Variants in CFLAR observed in about 807,000 individuals in gnomAD.
The protein encoded by CFLAR is CASP8 and FADD-like apoptosis regulator.
CFLAR carries 14 observed loss-of-function variants against 51.1 expected under a neutral mutation model. That is an observed-to-expected ratio of 0.27 (90% CI 0.18 to 0.43). CFLAR has a LOEUF of 0.43. Among genes scored for constraint, CFLAR ranks in the 20% least tolerant of loss-of-function variants. CFLAR has a pLI of 1.00. For missense variants in CFLAR, 390 were observed against 566.5 expected (o/e 0.69, Z 3.16); for synonymous variants, 210 against 211.6 (o/e 0.99, Z 0.06).
At position 201,124,571 on chromosome 2, in the gene CFLAR, G is replaced by A. The variant is rs1294957192; in HGVS notation, c.-137-5158G>A. 6.6e-6 allele frequency among the ~76,000 whole-genome samples: 1 copy of A among 152,204 alleles called. No homozygotes were observed. The highest frequency in any genetic ancestry group is 1.5e-5 in the Non-Finnish European group (1 of 68,044). ...GCTGGTCTTGAACTCCTTGCCTCAA[G>A]TGATCCGCCCGCCTTGGCCTCCCAA... On this transcript the variant is annotated intron_variant, in intron 1 of 9. Coordinates refer to ENST00000309955, the MANE Select transcript of CFLAR (RefSeq NM_003879.7). This position sits in a 1 kb window ranked among gnomAD's most constrained non-coding sequence, Gnocchi z 4.7.
chr2:201,161,410 ATT>A (rs71954106), intron 9 of CFLAR, among the ~76,000 whole-genome samples: 12,699 of 104,386 alleles, frequency 0.12, 811 homozygotes, highest in African/African-American at 0.2. Context: ...AAATTTATTT[ATT>A]TTTATTTATT....
intron 8 of CFLAR, chr2:201,152,983 T>G (rs1224123970): frequency 2.0e-5 from 3 of 152,282 alleles, no homozygotes; most frequent in Admixed American, 6.5e-5. Flanking sequence ...GCTCCAAGAA[T>G]CAGAATGGCA....
At chr2:201,125,170 A>G (rs2048562247) in intron 1 of CFLAR, among the ~76,000 whole-genome samples, 1 of 152,224 alleles carries the variant, frequency 6.6e-6, no homozygotes, top group East Asian at 1.9e-4. Context: ...CAGCGTCAGT[A>G]TTGCTGATTG....
Position 201,167,330 on chromosome 2 carries a change from T to TC in CFLAR, c.*3359dup, listed in dbSNP as rs1943697566. The TC allele has an allele frequency of 6.5e-6, 1 of 152,688 alleles. No individual in the cohort carries two copies. Among genetic ancestry groups the TC allele is most frequent in the Non-Finnish European group, 1.5e-5 (1 of 68,614 alleles). 9.5% of individuals were successfully genotyped at this position (152,688 alleles called of 1,614,324 possible). A position where few individuals can be genotyped will look rare whatever the true frequency, so the allele number is the denominator to read the frequency against. ...ACCAGCCTGGGCAACATAGCAAGAC[T>TC]CCATCTCTACAAAAAAAGACAAAAT... On this transcript the variant is annotated 3_prime_UTR_variant, in exon 10 of 10. Transcript: ENST00000309955.
At chr2:201,140,187 T>C in intron 4 of CFLAR, 170 bp from the exon 5 acceptor site, 1 of 722,932 alleles carries the variant, frequency 1.4e-6, no homozygotes, top group African/African-American at 1.9e-5. Context: ...TACTCCATTC[T>C]TCATGATGTT....
chr2:201,162,198 G>A (rs1421516478), intron 9 of CFLAR, among the ~76,000 whole-genome samples: 1 of 152,058 alleles, frequency 6.6e-6, no homozygotes, highest in Non-Finnish European at 1.5e-5. Flanking sequence ...CACCTCCCGG[G>A]TTCAGGCAAT....
chr2:201,135,938 A>G (rs750022461), intron 3 of CFLAR, 34 bp from the exon 4 acceptor site: 30 of 1,597,702 alleles, frequency 1.9e-5, no homozygotes, highest in Middle Eastern at 1.7e-4. Flanking sequence ...AGCTAGCTCT[A>G]TTGACATTTG....
intron 6 of CFLAR, 67 bp from the exon 7 acceptor site, chr2:201,148,936 A>T: frequency 9.8e-7 from 1 of 1,016,592 alleles, no homozygotes; most frequent in South Asian, 1.3e-5. Flanking sequence ...AAAGAAACTC[A>T]GCCAGTGTAG....
intron 1 of CFLAR, among the ~76,000 whole-genome samples, chr2:201,125,745 T>G (rs2048618341): frequency 6.6e-6 from 1 of 152,092 alleles, no homozygotes; most frequent in Admixed American, 6.5e-5. Context: ...ATGAAACTGT[T>G]GAGCAGCCGT....
chr2:201,145,273 T>A, intron 5 of CFLAR, 105 bp from the exon 6 acceptor site: 1 of 644,512 alleles, frequency 1.6e-6, no homozygotes, highest in East Asian at 2.7e-5. Context: ...ATTTTTATTT[T>A]TTTCCTGAGT....
In CFLAR at chr2:201,163,998, G is replaced by C; in HGVS notation, c.*25G>C. The stretch of plus-strand genomic sequence containing the variant: ...AGAAACCAAAAGGCTGGGCGTAGTG[G>C]CTCACACCTGTAATCCCAGCACTTT... On this transcript the variant is annotated 3_prime_UTR_variant, in exon 10 of 10. Coordinates refer to ENST00000309955, the MANE Select transcript of CFLAR (RefSeq NM_003879.7). The C allele has an allele frequency of 6.3e-7, 1 of 1,598,660 alleles. No individual in the cohort carries two copies.
chr2:201,164,991 C>G lies in CFLAR; in HGVS notation c.*1018C>G, dbSNP rs1943399825. ...GGCACAAATTCCATTCATGAGGGCT[C>G]TACCCTCATCACCTAATTACCTCCC... On this transcript the variant is annotated 3_prime_UTR_variant, in exon 10 of 10. Transcript: ENST00000309955. 2 of 152,040 alleles carry G rather than the reference C, an allele frequency of 1.3e-5. No individual in the cohort carries two copies. The highest frequency in any genetic ancestry group is 4.8e-5 in the African/African-American group (2 of 41,396). 9.4% of individuals were successfully genotyped at this position (152,040 alleles called of 1,614,324 possible).
Position 201,138,304 on chromosome 2 carries a change from ATGGG to A in CFLAR, c.524-2051_524-2048del. 1.3e-6 allele frequency: 1 copy of A among 776,626 alleles called. No individual in the cohort carries two copies. The allele number at this position is 776,626 out of a possible 1,614,324, so 48.1% of individuals were successfully genotyped here. A position where few individuals can be genotyped will look rare whatever the true frequency, so the allele number is the denominator to read the frequency against. On this transcript the variant is annotated intron_variant, in intron 4 of 9. Coordinates refer to ENST00000309955, the MANE Select transcript of CFLAR (RefSeq NM_003879.7). This position sits in a 1 kb window ranked among gnomAD's most constrained non-coding sequence, Gnocchi z 4.0. ...GGTCCAGGTGGTATTTGTCATCCTC[ATGGG>A]TACCCACAGCTGCCCCGCCCAGCAG...
At chr2:201,148,713 C>T (rs543942940) in intron 6 of CFLAR, 1 of 330,412 alleles carries the variant, frequency 3.0e-6, no homozygotes, top group South Asian at 3.8e-5. Context: ...GTTAAAAACT[C>T]ACCAGCCACC....
intron 5 of CFLAR, 124 bp downstream of exon 5, chr2:201,140,563 A>C: frequency 1.5e-6 from 1 of 684,412 alleles, no homozygotes; most frequent in Non-Finnish European, 2.4e-6. Flanking sequence ...AGAAATGTGT[A>C]TTTGTTTTAA....
intron 6 of CFLAR, chr2:201,148,289 A>G (rs1559224939): frequency 1.3e-5 from 2 of 152,106 alleles, no homozygotes; most frequent in African/African-American, 4.8e-5. Flanking sequence ...TTCACTTAAT[A>G]TATCCTGTGT....
At chr2:201,161,987 A>T (rs1370339342) in intron 9 of CFLAR, among the ~76,000 whole-genome samples, 1 of 151,692 alleles carries the variant, frequency 6.6e-6, no homozygotes, top group Non-Finnish European at 1.5e-5. Flanking sequence ...GCCTCAAGTG[A>T]TCCACGTACC....
At chr2:201,160,031 C>T (rs1480378489) in intron 8 of CFLAR, among the ~76,000 whole-genome samples, 1 of 152,190 alleles carries the variant, frequency 6.6e-6, no homozygotes, top group Non-Finnish European at 1.5e-5. Context: ...TGCTTGAGTA[C>T]TTTCATGATG....
chr2:201,120,188 A>AT (rs397871722), intron 1 of CFLAR, among the ~76,000 whole-genome samples: 3,086 of 130,336 alleles, frequency 0.024, 41 homozygotes, highest in Admixed American at 0.036. Context: ...ACCCAGCTAC[A>AT]TTTTTTTTTT....
Sources: allele counts gnomAD v4.1 joint callset (sites outside exome capture counted in the v4.1 genomes callset), GRCh38; gene constraint gnomAD v4.1.1; non-coding constraint Gnocchi (gnomAD v3.1); transcripts MANE v1.5; gene names NCBI Gene and HGNC (gene_info 2026-07-23, HGNC 2026-07-21).